PLB1: variants seen among roughly 807,000 people sequenced by gnomAD.
PLB1 encodes the protein phospholipase B1.
PLB1 carries 242 observed loss-of-function variants against 227.4 expected under a neutral mutation model. The observed-to-expected ratio is 1.06, with a 90% CI of 0.96 to 1.18. The LOEUF (loss-of-function observed/expected upper bound fraction) is 1.18, where lower values mean the gene tolerates loss of function less well. Among genes scored for constraint, PLB1 ranks in the 50% most tolerant of loss-of-function variants. The pLI is 0.00. For missense variants in PLB1, 1,858 were observed against 1,816.3 expected (o/e 1.02, Z -0.42); for synonymous variants, 757 against 682.2 (o/e 1.11, Z -1.71).
chr2:28,606,419 C>T, intron 42 of PLB1, 77 bp from the exon 43 acceptor site: 1 of 1,422,628 alleles, frequency 7.0e-7, no homozygotes. Context: ...TTCCCCACTG[C>T]AGGATTCTGC....
chr2:28,608,358 G>A (rs1684967123), intron 43 of PLB1, among the ~76,000 whole-genome samples: 1 of 152,190 alleles, frequency 6.6e-6, no homozygotes, highest in African/African-American at 2.4e-5. Flanking sequence ...GGGCCAGGCA[G>A]CACCTATTTT....
At position 28,601,257 on chromosome 2, in the gene PLB1, A is replaced by G; in HGVS notation, c.2532A>G (p.Val844=). 2 of 1,612,760 alleles carry G rather than the reference A, an allele frequency of 1.2e-6. No individual in the cohort carries two copies. Among genetic ancestry groups the G allele is most frequent in the Non-Finnish European group, 1.7e-6 (2 of 1,178,714 alleles). The change falls in exon 37 of 58, where the codon GTA becomes GTG. Residue 844 remains valine (V), a synonymous_variant. Coordinates refer to ENST00000327757, the MANE Select transcript of PLB1 (RefSeq NM_153021.5). ...ATTTTCCTCCCTCCATATAGAGAGT[A>G]AATTTCCATGAAGACTGGAAGGTCA... is the stretch of plus-strand genomic sequence containing the variant. ...LMQKMKDDHR[V]NFHEDWKVIT...
At chr2:28,639,223 GA>G (rs1689714784) in intron 56 of PLB1, among the ~76,000 whole-genome samples, 1 of 151,992 alleles carries the variant, frequency 6.6e-6, no homozygotes, top group Admixed American at 6.6e-5. Context: ...AGGTAGATGG[GA>G]AATGAGAAAC....
chr2:28,582,013 C>A, intron 23 of PLB1, 55 bp from the exon 24 acceptor site: 1 of 1,515,982 alleles, frequency 6.6e-7, no homozygotes, highest in South Asian at 1.1e-5. Flanking sequence ...TAGCCCTGTT[C>A]TGTAGAGAGA....
At chr2:28,590,214 GC>G (rs1681663829) in intron 29 of PLB1, 138 bp downstream of exon 29, 2 of 749,016 alleles carry the variant, frequency 2.7e-6, no homozygotes, top group Non-Finnish European at 4.5e-6. Flanking sequence ...TGCCCCAAAT[GC>G]CCCATCTGGT....
intron 56 of PLB1, among the ~76,000 whole-genome samples, chr2:28,633,865 T>A (rs988633553): frequency 6.6e-6 from 1 of 152,226 alleles, no homozygotes. Flanking sequence ...CCAACCTGTA[T>A]GTTCCCTCCT....
chr2:28,512,554 G>C (rs1668402847), intron 1 of PLB1, among the ~76,000 whole-genome samples: 1 of 152,068 alleles, frequency 6.6e-6, no homozygotes, highest in African/African-American at 2.4e-5. Context: ...AGCAATTCTG[G>C]ATTCTGTTTT....
rs1288364070 is a variant in PLB1 at position 28,581,554 on chromosome 2, T to C, written c.1567-514T>C. Among the ~76,000 whole-genome samples the C allele has an allele frequency of 1.6e-5, 2 of 125,644 alleles. 1 individual carries two copies. Among genetic ancestry groups the C allele is most frequent in the African/African-American group, 6.8e-5 (2 of 29,334 alleles). 82.4% of individuals were successfully genotyped at this position (125,644 alleles called of 152,430 possible). A position where few individuals can be genotyped will look rare whatever the true frequency, so the allele number is the denominator to read the frequency against. ...ATAAATAAAATTAAAAAAAGAGGCA[T>C]AGGCATTTCCCTGAGGGCCACAGCC... On this transcript the variant is annotated intron_variant, in intron 23 of 57. Transcript: ENST00000327757.
chr2:28,540,922 G>A (rs978367928), intron 12 of PLB1, among the ~76,000 whole-genome samples: 4 of 152,176 alleles, frequency 2.6e-5, no homozygotes, highest in Non-Finnish European at 5.9e-5. Flanking sequence ...TGTAATCCCA[G>A]TATTTTGGGA....
intron 17 of PLB1, among the ~76,000 whole-genome samples, chr2:28,554,518 T>TTTTTTTTTA (rs1674744531): frequency 1.5e-5 from 2 of 131,816 alleles, no homozygotes; most frequent in African/African-American, 2.8e-5. Context: ...TTTTTTTTTT[T>TTTTTTTTTA]AAGAGATGGG....
At chr2:28,503,124 TTTA>T (rs1331261071) in intron 1 of PLB1, among the ~76,000 whole-genome samples, 1 of 152,138 alleles carries the variant, frequency 6.6e-6, no homozygotes, top group Non-Finnish European at 1.5e-5. Context: ...GTTTGTCTAC[TTTA>T]TTATTTTTTT....
intron 23 of PLB1, among the ~76,000 whole-genome samples, chr2:28,581,491 AAATAAAT>A (rs1443682298): frequency 0.015 from 109 of 7,212 alleles, 4 homozygotes; most frequent in African/African-American, 0.025. Flanking sequence ...GCAAAAAAAT[AAATAAAT>A]AAATAAATAA....
chr2:28,628,519 A>G (rs749089253), intron 51 of PLB1, 44 bp from the exon 52 acceptor site: 2 of 1,571,742 alleles, frequency 1.3e-6, no homozygotes, highest in South Asian at 2.2e-5. Context: ...ATTCTCTCAG[A>G]GCGGGCACCA....
chr2:28,533,227 C>G (rs768624543), intron 9 of PLB1, among the ~76,000 whole-genome samples: 4 of 152,206 alleles, frequency 2.6e-5, no homozygotes, highest in Non-Finnish European at 4.4e-5. Context: ...TTAGTGATGT[C>G]AAGCCTTGGA....
At chr2:28,593,044 T>C (rs1682257248) in intron 32 of PLB1, among the ~76,000 whole-genome samples, 1 of 152,214 alleles carries the variant, frequency 6.6e-6, no homozygotes, top group East Asian at 1.9e-4. Flanking sequence ...CTCTTTTTCC[T>C]TTGGATTATG....
intron 25 of PLB1, among the ~76,000 whole-genome samples, chr2:28,584,946 C>A (rs907605086): frequency 6.6e-6 from 1 of 152,210 alleles, no homozygotes; most frequent in Non-Finnish European, 1.5e-5. Context: ...CTCAACCACC[C>A]TGAGCCTGGG....
At chr2:28,508,154 A>G in intron 1 of PLB1, among the ~76,000 whole-genome samples, 1 of 152,202 alleles carries the variant, frequency 6.6e-6, no homozygotes, top group Non-Finnish European at 1.5e-5. Context: ...GTCTCAGGGA[A>G]AGCGTACTTG....
At chr2:28,604,190 C>T in intron 40 of PLB1, 143 bp downstream of exon 40, 1 of 735,978 alleles carries the variant, frequency 1.4e-6, no homozygotes, top group Middle Eastern at 2.4e-4. Flanking sequence ...GGGTGCCTTC[C>T]TCTGTCTCAC....
rs775873565 is a variant in PLB1, at chr2:28,522,848, C to T, written c.244-2419C>T. ...GCACAATTCCTTGCAAGCCTTCTTC[C>T]GCTGTCTGTCCTAAGAGAGAGAGGG... On this transcript the variant is annotated intron_variant, in intron 4 of 57. Transcript: ENST00000327757. 4.6e-5 allele frequency among the ~76,000 whole-genome samples: 7 copies of T among 152,190 alleles called. No homozygotes were observed. The South Asian group carries it at 1.2e-3, about 27-fold the overall frequency.
Sources: gnomAD v4.1 joint callset for allele counts (sites outside exome capture counted in the v4.1 genomes callset) on GRCh38, gnomAD v4.1.1 for gene constraint, MANE v1.5 for transcripts, NCBI Gene and HGNC (gene_info 2026-07-23, HGNC 2026-07-21) for gene names.